The following AFM variants were observed in gnomAD, a reference collection of about 807,000 sequenced individuals.
AFM encodes the protein alpha-Alb.
Under a neutral mutation model 68.7 loss-of-function variants are expected in AFM, and 82 were observed. That is an observed-to-expected ratio of 1.19 (90% CI 1.00 to 1.43). The LOEUF (loss-of-function observed/expected upper bound fraction) is 1.43, where lower values mean the gene tolerates loss of function less well. Ranked by LOEUF, AFM falls within the 40% of genes most tolerant of loss-of-function variation. The probability of loss-of-function intolerance (pLI) is 0.00; values close to 1 mark genes in which losing one functional copy is unlikely to be tolerated. For missense variants in AFM, 772 were observed against 701.8 expected (o/e 1.10, Z -1.13); for synonymous variants, 250 against 234.2 (o/e 1.07, Z -0.61).
chr4:73,491,772 C>T, intron 7 of AFM, 100 bp from the exon 8 acceptor site: 1 of 980,232 alleles, frequency 1.0e-6, no homozygotes, highest in Non-Finnish European at 1.6e-6. Flanking sequence ...TGAAGTGATT[C>T]CAGATGCTGC....
chr4:73,492,724 A>G (rs1415715795), intron 8 of AFM, among the ~76,000 whole-genome samples: 1 of 148,272 alleles, frequency 6.7e-6, no homozygotes, highest in Non-Finnish European at 1.5e-5. Context: ...TGAACCTGGG[A>G]GGCAGAGGTT....
intron 1 of AFM, among the ~76,000 whole-genome samples, 167 bp downstream of exon 1, chr4:73,482,030 T>G (rs1482723714): frequency 6.6e-6 from 1 of 152,220 alleles, no homozygotes; most frequent in Non-Finnish European, 1.5e-5. Flanking sequence ...GAATTTTTAT[T>G]TTGATGGTAA....
intron 1 of AFM, among the ~76,000 whole-genome samples, chr4:73,483,461 T>A (rs1183783581): frequency 1.3e-5 from 2 of 152,190 alleles, no homozygotes; most frequent in Admixed American, 1.3e-4. Flanking sequence ...TGGGAGGGAA[T>A]CCATGATTTT....
chr4:73,492,624 C>CT (rs36117611), intron 8 of AFM, among the ~76,000 whole-genome samples: 10,259 of 142,880 alleles, frequency 0.072, 463 homozygotes, highest in African/African-American at 0.12. Flanking sequence ...CCTTTCTGTG[C>CT]TTTTTTTTTT....
At position 73,484,507 on chromosome 4, in the gene AFM, AT is replaced by A. The variant is rs1208393448; in HGVS notation, c.270+119del. The A allele has an allele frequency of 3.8e-4, 168 of 440,566 alleles. No homozygotes were observed. In the African/African-American group the frequency reaches 8.9e-3, roughly 23 times the overall value. 27.3% of individuals were successfully genotyped at this position (440,566 alleles called of 1,614,324 possible). A position where few individuals can be genotyped will look rare whatever the true frequency, so the allele number is the denominator to read the frequency against. On this transcript the variant is annotated intron_variant, in intron 3 of 14. Coordinates refer to ENST00000226355, the MANE Select transcript of AFM (RefSeq NM_001133.2). ...CTTTCTTTCTTTCTTTCTTTCTTTCATTCTTTCTTTCTTCTTTCTTTCTTTC... is the reference window on the plus strand; with the variant it reads ...CTTTCTTTCTTTCTTTCTTTCTTTCATCTTTCTTTCTTCTTTCTTTCTTTC...
Position 73,488,663 on chromosome 4 carries a change from G to T in AFM, c.747G>T (p.Lys249Asn). 2 of 1,611,662 alleles carry T rather than the reference G, an allele frequency of 1.2e-6. No individual in the cohort carries two copies. Among genetic ancestry groups the T allele is most frequent in the Non-Finnish European group, 1.7e-6 (2 of 1,179,010 alleles). Residue 249 changes from lysine to asparagine, a missense_variant, in exon 7 of 15, where the codon AAG becomes AAT. Coordinates refer to ENST00000226355, the MANE Select transcript of AFM (RefSeq NM_001133.2). ...YIAILSQKFP[K>N]IEFKELISLV... ...CGATACTCAGTCAAAAATTCCCCAAGATTGAATTTAAGGAGCTTATTTCTC... is the reference window on the plus strand; with the variant it reads ...CGATACTCAGTCAAAAATTCCCCAATATTGAATTTAAGGAGCTTATTTCTC...
At chr4:73,483,267 C>A (rs1560407403) in intron 1 of AFM, among the ~76,000 whole-genome samples, 1 of 152,112 alleles carries the variant, frequency 6.6e-6, no homozygotes, top group Non-Finnish European at 1.5e-5. Flanking sequence ...TAATCCCATT[C>A]TAAATTAGAT....
intron 1 of AFM, 93 bp from the exon 2 acceptor site, chr4:73,483,848 T>C: frequency 1.8e-6 from 2 of 1,084,228 alleles, no homozygotes; most frequent in East Asian, 5.7e-5. Flanking sequence ...GTCTATTTTG[T>C]ATTTTATACA....
chr4:73,482,720 T>C (rs781723366), intron 1 of AFM, among the ~76,000 whole-genome samples: 8 of 152,226 alleles, frequency 5.3e-5, no homozygotes, highest in Non-Finnish European at 1.0e-4. Context: ...TTTCTCAGTG[T>C]GACAGTTGCA....
intron 7 of AFM, among the ~76,000 whole-genome samples, chr4:73,490,505 C>G (rs1039596179): frequency 6.6e-6 from 1 of 152,056 alleles, no homozygotes. Flanking sequence ...CTGCAAGCTC[C>G]GCCTCCTGGG....
At position 73,481,856 on chromosome 4, in the gene AFM, G is replaced by C. The variant is rs766573879; in HGVS notation, c.81G>C (p.Arg27=). The C allele has an allele frequency of 6.3e-7, 1 of 1,591,020 alleles. No individual in the cohort carries two copies. Among genetic ancestry groups the C allele is most frequent in the South Asian group, 1.1e-5 (1 of 87,118 alleles). ...TESLTLPTQP[R]DIENFNSTQK... is the part of the protein sequence containing the mutation. ...CCCTAACCCTGCCCACACAACCTCG[G>C]GATATAGGTAAGAAATTTACTTGTA... The change falls in exon 1 of 15, where the codon CGG becomes CGC. Residue 27 remains arginine, a synonymous_variant. Transcript: ENST00000226355.
At chr4:73,495,066 T>G (rs1054393028) in intron 8 of AFM, 5 of 311,542 alleles carry the variant, frequency 1.6e-5, no homozygotes, top group African/African-American at 1.1e-4. Context: ...ATTCTACTAA[T>G]TCTCTCTTCT....
intron 1 of AFM, among the ~76,000 whole-genome samples, chr4:73,483,405 G>A (rs971531086): frequency 6.6e-6 from 1 of 152,182 alleles, no homozygotes; most frequent in South Asian, 2.1e-4. Context: ...AATAAATGTA[G>A]CTTATGTGAA....
At chr4:73,486,657 C>T (rs933842051) in intron 4 of AFM, among the ~76,000 whole-genome samples, 2 of 152,126 alleles carry the variant, frequency 1.3e-5, no homozygotes, top group Non-Finnish European at 2.9e-5. Flanking sequence ...GGACAATAGC[C>T]ACAGTTCAGT....
At chr4:73,495,611 T>C (rs937164644) in intron 9 of AFM, among the ~76,000 whole-genome samples, 179 bp downstream of exon 9, 2 of 152,250 alleles carry the variant, frequency 1.3e-5, no homozygotes, top group African/African-American at 4.8e-5. Flanking sequence ...GTTTGGCTGA[T>C]GCATAATGTT....
chr4:73,485,927 C>T lies in AFM; in HGVS notation c.336C>T (p.His112=), dbSNP rs557007019. The change falls in exon 4 of 15, where the codon CAC becomes CAT. Residue 112 remains histidine (H), a synonymous_variant. Coordinates refer to ENST00000226355, the MANE Select transcript of AFM (RefSeq NM_001133.2). ...EGLPQKHNFS[H]CCSKVDAQRR... ...TGCCACAAAAGCATAATTTCTCACA[C>T]TGCTGCAGTAAGGTTGATGCTCAAA... is the stretch of plus-strand genomic sequence containing the variant. The T allele has an allele frequency of 2.0e-5, 33 of 1,614,124 alleles. No individual in the cohort carries two copies. In the South Asian group the frequency reaches 2.5e-4, roughly 12 times the overall value.
At chr4:73,482,329 G>A (rs1418120662) in intron 1 of AFM, among the ~76,000 whole-genome samples, 1 of 152,178 alleles carries the variant, frequency 6.6e-6, no homozygotes, top group Admixed American at 6.5e-5. Flanking sequence ...CCTGGCCAAG[G>A]CCATCTCAGT....
intron 6 of AFM, 51 bp downstream of exon 6, chr4:73,487,872 TC>T (rs1454421341): frequency 3.8e-6 from 5 of 1,307,554 alleles, no homozygotes; most frequent in Non-Finnish European, 5.5e-6. Context: ...CTTGTCTGTG[TC>T]CCATTTTTGT....
At position 73,483,940 on chromosome 4, in the gene AFM, G is replaced by T; in HGVS notation, c.89-1G>T. 1 of 1,527,450 alleles carries T rather than the reference G, an allele frequency of 6.5e-7. No homozygotes were observed. Among genetic ancestry groups the T allele is most frequent in the African/African-American group, 1.4e-5 (1 of 72,106 alleles). The allele number at this position is 1,527,450 out of a possible 1,614,324, so 94.6% of individuals were successfully genotyped here. A position where few individuals can be genotyped will look rare whatever the true frequency, so the allele number is the denominator to read the frequency against. ...ATAACCTAAATATTCTTGCTTTTCA[G>T]AGAACTTCAATAGTACTCAAAAATT... On this transcript the variant is annotated splice_acceptor_variant, in intron 1 of 14. Coordinates refer to ENST00000226355, the MANE Select transcript of AFM (RefSeq NM_001133.2). LOFTEE classifies it high-confidence loss of function.
Sources: gnomAD v4.1 joint callset for allele counts (sites outside exome capture counted in the v4.1 genomes callset) on GRCh38, gnomAD v4.1.1 for gene constraint, MANE v1.5 for transcripts, NCBI Gene and HGNC (gene_info 2026-07-23, HGNC 2026-07-21) for gene names.